Variants in DOCK4 observed in about 807,000 individuals in gnomAD.
DOCK4 encodes dedicator of cytokinesis protein 4.
A neutral mutation model predicts 268.1 loss-of-function variants in DOCK4; 97 were observed. That is an observed-to-expected ratio of 0.36 (90% CI 0.31 to 0.43). DOCK4 has a LOEUF of 0.43. Ranked by LOEUF, DOCK4 falls within the 20% of genes least tolerant of loss-of-function variation. The pLI, the probability that DOCK4 is intolerant of heterozygous loss-of-function variation, is 1.00. For missense variants in DOCK4, 2,145 were observed against 2,455.7 expected (o/e 0.87, Z 2.67); for synonymous variants, 954 against 887.2 (o/e 1.08, Z -1.34).
chr7:111,886,812 T>C (rs1230489312), intron 16 of DOCK4, among the ~76,000 whole-genome samples: 5 of 152,190 alleles, frequency 3.3e-5, no homozygotes, highest in African/African-American at 1.2e-4. Context: ...CAGATTAATT[T>C]AGTTTTGATA....
At chr7:112,182,310 G>T (rs1252751713) in intron 1 of DOCK4, among the ~76,000 whole-genome samples, 2 of 152,126 alleles carry the variant, frequency 1.3e-5, no homozygotes, top group African/African-American at 4.8e-5. Context: ...ATTTTTAAAA[G>T]ACAGCTAGAT....
chr7:112,002,719 C>T (rs1382036949), intron 2 of DOCK4, among the ~76,000 whole-genome samples: 3 of 152,118 alleles, frequency 2.0e-5, no homozygotes, highest in Non-Finnish European at 2.9e-5. Context: ...TTCGGATATA[C>T]TAACGGGGCT....
chr7:112,206,212 C>T lies in DOCK4; in HGVS notation c.-74G>A. The T allele has an allele frequency of 6.7e-7, 1 of 1,484,226 alleles. No homozygotes were observed. 91.9% of individuals were successfully genotyped at this position (1,484,226 alleles called of 1,614,324 possible). A position where few individuals can be genotyped will look rare whatever the true frequency, so the allele number is the denominator to read the frequency against. On this transcript the variant is annotated 5_prime_UTR_variant, in exon 1 of 53. Coordinates refer to ENST00000428084, the MANE Select transcript of DOCK4 (RefSeq NM_001363540.2). ...TCTCCGGCTCACAACAATGCACAGTCCCCGAGCAGCGCTGCAGTGCCGGAG... is the reference window on the plus strand; with the variant it reads ...TCTCCGGCTCACAACAATGCACAGTTCCCGAGCAGCGCTGCAGTGCCGGAG...
intron 1 of DOCK4, among the ~76,000 whole-genome samples, chr7:112,099,452 C>G (rs1810473553): frequency 6.6e-6 from 1 of 152,148 alleles, no homozygotes; most frequent in African/African-American, 2.4e-5. Flanking sequence ...ACCGCATTCC[C>G]TAACACAGCT....
intron 26 of DOCK4, 71 bp from the exon 27 acceptor site, chr7:111,822,527 G>T: frequency 7.8e-7 from 1 of 1,278,056 alleles, no homozygotes; most frequent in Non-Finnish European, 1.1e-6. Context: ...CACATACACA[G>T]GCAGTACTGT....
chr7:112,144,078 G>T (rs888603075), intron 1 of DOCK4, among the ~76,000 whole-genome samples: 1 of 152,078 alleles, frequency 6.6e-6, no homozygotes, highest in African/African-American at 2.4e-5. Context: ...ATCTTTTGGG[G>T]GACTCAGTTT....
At position 111,895,669 on chromosome 7, in the gene DOCK4, C is replaced by G; in HGVS notation, c.1530G>C (p.Leu510=). 2 of 1,613,946 alleles carry G rather than the reference C, an allele frequency of 1.2e-6. No individual in the cohort carries two copies. The highest frequency in any genetic ancestry group is 2.2e-5 in the South Asian group (2 of 91,082). The change falls in exon 16 of 53, where the codon CTG becomes CTC. Residue 510 remains leucine (L), a synonymous_variant. Transcript: ENST00000428084. ...GAAGAGTCCTACCATCTTCTTGCAT[C>G]AGAGGGACAAAAGAAAACCCAAACA... ...KKLFGFSFVP[L]MQEDGRTLPD...
At chr7:111,853,766 T>C (rs1280418931) in intron 23 of DOCK4, among the ~76,000 whole-genome samples, 1 of 152,192 alleles carries the variant, frequency 6.6e-6, no homozygotes, top group Non-Finnish European at 1.5e-5. Flanking sequence ...TACATCTTAC[T>C]TTTGGTAGTT....
In DOCK4 at chr7:111,977,220, G is replaced by C. The variant is rs751371944; in HGVS notation, c.613C>G (p.Gln205Glu). 2.4e-5 allele frequency: 39 copies of C among 1,611,384 alleles called. No individual in the cohort carries two copies. The highest frequency in any genetic ancestry group is 3.3e-5 in the Non-Finnish European group (39 of 1,178,922). ...VQASSHHLFV[Q>E]MKSLMCSNLG... ...TTGGAACACATGAGGCTCTTCATCT[G>C]GACAAAGAGGTGGTGACTGCTGGCC... The change falls in exon 8 of 53, where the codon CAG (glutamine) becomes GAG (glutamate). Residue 205 changes from glutamine (Q) to glutamate (E), a missense_variant. Gln to Glu is a conservative substitution (Grantham distance 29). Around this residue, in one of 2 missense-constraint regions of DOCK4, gnomAD observed 1,598 missense variants for 1,986.7 expected, o/e 0.80. Transcript: ENST00000428084.
At chr7:111,941,703 A>G (rs1795206203) in intron 10 of DOCK4, among the ~76,000 whole-genome samples, 1 of 152,024 alleles carries the variant, frequency 6.6e-6, no homozygotes. Flanking sequence ...TAGCTCCTAC[A>G]GTTTACACAA....
At chr7:112,201,079 A>G (rs1820891649) in intron 1 of DOCK4, among the ~76,000 whole-genome samples, 1 of 152,240 alleles carries the variant, frequency 6.6e-6, no homozygotes, top group Middle Eastern at 3.2e-3. Flanking sequence ...AAAACACTTT[A>G]AGAAACTGTT....
intron 4 of DOCK4, 103 bp from the exon 5 acceptor site, chr7:111,994,334 T>C (rs847542): frequency 0.44 from 284,614 of 653,860 alleles, 63,249 homozygotes; most frequent in African/African-American, 0.52. Flanking sequence ...GCCTAGCTAT[T>C]GTTCGTTCTA....
At chr7:112,035,942 A>G (rs1221676064) in intron 1 of DOCK4, among the ~76,000 whole-genome samples, 2 of 152,136 alleles carry the variant, frequency 1.3e-5, no homozygotes, top group African/African-American at 4.8e-5. Flanking sequence ...TTGTTCTTTG[A>G]TCTGGGATCT....
At chr7:112,034,039 T>C (rs966174115) in intron 1 of DOCK4, among the ~76,000 whole-genome samples, 1 of 152,198 alleles carries the variant, frequency 6.6e-6, no homozygotes, top group Non-Finnish European at 1.5e-5. Flanking sequence ...TCAAACCTAA[T>C]ATTTTCACTT....
intron 25 of DOCK4, chr7:111,840,779 A>G (rs1436703808): frequency 1.8e-5 from 24 of 1,314,310 alleles, no homozygotes; most frequent in Non-Finnish European, 2.4e-5. Context: ...TCTACTTGTC[A>G]TGGGCACTTT....
chr7:111,877,785 A>G (rs1460289005), intron 16 of DOCK4, among the ~76,000 whole-genome samples: 1 of 152,228 alleles, frequency 6.6e-6, no homozygotes, highest in African/African-American at 2.4e-5. Context: ...ATAATTTCAT[A>G]TCCCTACTGT....
chr7:112,020,720 T>C lies in DOCK4; in HGVS notation c.38-16589A>G, dbSNP rs146720308. Among the ~76,000 whole-genome samples, 102 of 150,502 alleles carry C rather than the reference T, an allele frequency of 6.8e-4. No homozygotes were observed. The East Asian group carries it at 0.019, about 28-fold the overall frequency. ...AAAAAAAAAAAAAATTAAGGAAATT[T>C]AATAAGTGAACTAAAGCTGGGCTTT... On this transcript the variant is annotated intron_variant, in intron 1 of 52. Transcript: ENST00000428084.
chr7:112,010,929 C>CA (rs1801238895), intron 1 of DOCK4, among the ~76,000 whole-genome samples: 1 of 152,178 alleles, frequency 6.6e-6, no homozygotes, highest in African/African-American at 2.4e-5. Context: ...ACCACAAGGC[C>CA]AAGGCAAAGC....
chr7:112,065,804 T>C (rs1463522934), intron 1 of DOCK4, among the ~76,000 whole-genome samples: 1 of 152,114 alleles, frequency 6.6e-6, no homozygotes, highest in African/African-American at 2.4e-5. Flanking sequence ...TTACAAGTTA[T>C]GCAATAAGAC....
Sources: gnomAD v4.1 joint callset for allele counts (sites outside exome capture counted in the v4.1 genomes callset) on GRCh38, gnomAD v4.1.1 for gene constraint, gnomAD v4.1.1 regional missense constraint, MANE v1.5 for transcripts, NCBI Gene and HGNC (gene_info 2026-07-23, HGNC 2026-07-21) for gene names.